The following CACNA1E variants were observed in gnomAD, a reference collection of about 807,000 sequenced individuals.
CACNA1E encodes the protein calcium voltage-gated channel subunit alpha1 E, also known as voltage-dependent R-type calcium channel subunit alpha-1E.
A neutral mutation model predicts 259.2 loss-of-function variants in CACNA1E; 40 were observed. The observed-to-expected ratio is 0.15, with a 90% CI of 0.12 to 0.20. The LOEUF is 0.20. Ranked by LOEUF, CACNA1E falls within the 10% of genes least tolerant of loss-of-function variation. CACNA1E has a pLI of 1.00. For missense variants in CACNA1E, 1,874 were observed against 3,040.1 expected (o/e 0.62, Z 9.02); for synonymous variants, 1,104 against 1,138.5 (o/e 0.97, Z 0.61).
chr1:181,327,709 A>T (rs548030523), intron 1 of CACNA1E, among the ~76,000 whole-genome samples: 1 of 152,362 alleles, frequency 6.6e-6, no homozygotes, highest in African/African-American at 2.4e-5. Context: ...TGAGGGCAGG[A>T]CCTACAAATC....
chr1:181,542,477 G>A (rs982847756), intron 3 of CACNA1E, among the ~76,000 whole-genome samples: 5 of 152,122 alleles, frequency 3.3e-5, no homozygotes, highest in Admixed American at 6.5e-5. Context: ...TGTCAAGGGG[G>A]AGATCAGGTG....
intron 7 of CACNA1E, among the ~76,000 whole-genome samples, chr1:181,669,532 G>A (rs537656029): frequency 1.3e-5 from 2 of 152,260 alleles, no homozygotes; most frequent in Admixed American, 1.3e-4. Flanking sequence ...CTCTATTAGA[G>A]CACTCGTTAC....
chr1:181,737,564 C>T lies in CACNA1E; in HGVS notation c.3462C>T (p.Tyr1154=). 1 of 1,614,004 alleles carries T rather than the reference C, an allele frequency of 6.2e-7. No individual in the cohort carries two copies. The highest frequency in any genetic ancestry group is 1.7e-5 in the Admixed American group (1 of 60,030). The change falls in exon 23 of 48, where the codon TAC becomes TAT. Residue 1154 remains tyrosine (Y), a synonymous_variant. Transcript: ENST00000367573. ...GCCACTACATCGTGAACCTGCGCTA[C>T]TTTGAGATGTGCATCCTCCTGGTGA... The part of the protein sequence containing the change: ...RACHYIVNLR[Y]FEMCILLVIA...
intron 44 of CACNA1E, among the ~76,000 whole-genome samples, chr1:181,792,763 G>C (rs1356600797): frequency 6.6e-6 from 1 of 152,134 alleles, no homozygotes; most frequent in Non-Finnish European, 1.5e-5. Flanking sequence ...AGGTCTTTTT[G>C]TTAGGTAGCC....
In CACNA1E at chr1:181,799,763, C is replaced by A. The variant is rs1662136079; in HGVS notation, c.*929C>A. The A allele has an allele frequency of 6.6e-6, 1 of 152,190 alleles. No individual in the cohort carries two copies. The highest frequency in any genetic ancestry group is 2.4e-5 in the African/African-American group (1 of 41,426). 9.4% of individuals were successfully genotyped at this position (152,190 alleles called of 1,614,324 possible). ...TCTTTAGATGCCAGTCATGGGGGAA[C>A]CCTGAGGGTGTGGGTAGAGTAGCAG... On this transcript the variant is annotated 3_prime_UTR_variant, in exon 48 of 48. Transcript: ENST00000367573.
At chr1:181,423,133 CAAT>C (rs1482230285) in intron 2 of CACNA1E, among the ~76,000 whole-genome samples, 17 of 152,156 alleles carry the variant, frequency 1.1e-4, no homozygotes, top group Admixed American at 9.8e-4. Context: ...ATCCCTACAA[CAAT>C]GTTTATATGT....
chr1:181,363,030 C>T (rs561850826), intron 1 of CACNA1E, among the ~76,000 whole-genome samples: 62 of 152,292 alleles, frequency 4.1e-4, no homozygotes, highest in African/African-American at 1.3e-3. Context: ...CATATAGGCC[C>T]TCAAGGGCTC....
In CACNA1E at chr1:181,733,335, T is replaced by C. The variant is rs1409983933; in HGVS notation, c.2949-102T>C. The C allele has an allele frequency of 4.9e-5, 53 of 1,082,596 alleles. No homozygotes were observed. In the East Asian group the frequency reaches 1.3e-3, roughly 27 times the overall value. The allele number at this position is 1,082,596 out of a possible 1,614,324, so 67.1% of individuals were successfully genotyped here. A position where few individuals can be genotyped will look rare whatever the true frequency, so the allele number is the denominator to read the frequency against. On this transcript the variant is annotated intron_variant, in intron 20 of 47. Coordinates refer to ENST00000367573, the MANE Select transcript of CACNA1E (RefSeq NM_001205293.3). ...TGGAAGGCAGTGGTGGCCTTGTACCTTCCAGGCTGCCTGAGCTTCCCCGCC... is the reference window on the plus strand; with the variant it reads ...TGGAAGGCAGTGGTGGCCTTGTACCCTCCAGGCTGCCTGAGCTTCCCCGCC...
At chr1:181,702,605 C>T (rs746903609) in intron 7 of CACNA1E, among the ~76,000 whole-genome samples, 1 of 152,118 alleles carries the variant, frequency 6.6e-6, no homozygotes, top group African/African-American at 2.4e-5. Context: ...GACCTTTTTT[C>T]CATGTATTCA....
In CACNA1E at chr1:181,641,840, A is replaced by C. The variant is rs185984527; in HGVS notation, c.952-9498A>C. Among the ~76,000 whole-genome samples, 344 of 148,186 alleles carry C rather than the reference A, an allele frequency of 2.3e-3. 1 individual carries two copies. Among genetic ancestry groups the C allele is most frequent in the African/African-American group, 8.3e-3 (332 of 39,866 alleles). ...GCGATTCTTCTGCCTCAGCCTCCTG[A>C]GTAGCTGGGACTACAGGCATGCGTC... On this transcript the variant is annotated intron_variant, in intron 6 of 47. Transcript: ENST00000367573.
intron 7 of CACNA1E, among the ~76,000 whole-genome samples, chr1:181,700,064 C>T (rs1442788431): frequency 6.6e-6 from 1 of 152,132 alleles, no homozygotes; most frequent in African/African-American, 2.4e-5. Context: ...TGTGCAACGT[C>T]ACCTGGAGGG....
chr1:181,750,755 C>T (rs1650216002), intron 26 of CACNA1E, among the ~76,000 whole-genome samples: 1 of 152,148 alleles, frequency 6.6e-6, no homozygotes, highest in African/African-American at 2.4e-5. Flanking sequence ...GTAAAACATG[C>T]CAAAGTCTCT....
chr1:181,571,228 T>C (rs1430047696), intron 3 of CACNA1E, among the ~76,000 whole-genome samples: 1 of 152,206 alleles, frequency 6.6e-6, no homozygotes, highest in Non-Finnish European at 1.5e-5. Context: ...ACAGCTAGTA[T>C]AGGTGATGGA....
chr1:181,750,566 A>T, intron 26 of CACNA1E, 79 bp downstream of exon 26: 1 of 1,350,874 alleles, frequency 7.4e-7, no homozygotes. Flanking sequence ...TTGGGAGGGG[A>T]GGGGCTCACG....
At chr1:181,549,457 A>C (rs1647883344) in intron 3 of CACNA1E, among the ~76,000 whole-genome samples, 2 of 152,202 alleles carry the variant, frequency 1.3e-5, no homozygotes, top group South Asian at 4.1e-4. Flanking sequence ...AAGAGAATAG[A>C]AGGCTAAAAT....
At chr1:181,705,506 CCCAA>C (rs1489499040) in intron 7 of CACNA1E, among the ~76,000 whole-genome samples, 48 of 152,226 alleles carry the variant, frequency 3.2e-4, no homozygotes, top group Non-Finnish European at 6.6e-4. Context: ...AATTTAGAAA[CCCAA>C]ACCTTGCATA....
chr1:181,576,705 G>A (rs921443213), intron 3 of CACNA1E, among the ~76,000 whole-genome samples: 18 of 152,226 alleles, frequency 1.2e-4, no homozygotes, highest in African/African-American at 4.3e-4. Context: ...GGGATTATGG[G>A]TGAGAAACTT....
intron 6 of CACNA1E, among the ~76,000 whole-genome samples, chr1:181,645,692 A>G (rs1266532838): frequency 2.6e-5 from 4 of 151,030 alleles, no homozygotes; most frequent in African/African-American, 9.9e-5. Context: ...CTCCAGAGTT[A>G]AAGTTACATT....
chr1:181,418,321 C>T (rs929263064), intron 2 of CACNA1E, among the ~76,000 whole-genome samples: 1 of 152,128 alleles, frequency 6.6e-6, no homozygotes, highest in African/African-American at 2.4e-5. Flanking sequence ...TCTTGGTTCT[C>T]CTCCTATGTT....
Sources: gnomAD v4.1 joint callset for allele counts (sites outside exome capture counted in the v4.1 genomes callset) on GRCh38, gnomAD v4.1.1 for gene constraint, MANE v1.5 for transcripts, NCBI Gene and HGNC (gene_info 2026-07-23, HGNC 2026-07-21) for gene names.